Variants in ZCCHC7 observed in about 807,000 individuals in gnomAD.
ZCCHC7 encodes zinc finger CCHC domain-containing protein 7.
ZCCHC7 carries 35 observed loss-of-function variants against 52.0 expected under a neutral mutation model. The ratio of observed to expected loss-of-function variants is 0.67; its 90% CI spans 0.51 to 0.89. ZCCHC7 has a LOEUF of 0.89. Among genes scored for constraint, ZCCHC7 ranks in the 40% least tolerant of loss-of-function variants. The pLI, the probability that ZCCHC7 is intolerant of heterozygous loss-of-function variation, is 0.00. For synonymous variants in ZCCHC7, 217 were observed against 221.5 expected (o/e 0.98, Z 0.18); for missense variants, 574 against 649.1 (o/e 0.88, Z 1.26).
At chr9:37,256,245 T>G (rs146845438) in intron 2 of ZCCHC7, among the ~76,000 whole-genome samples, 101 of 152,294 alleles carry the variant, frequency 6.6e-4, no homozygotes, top group African/African-American at 2.3e-3. Context: ...TGTGCAGCTT[T>G]ATGTACTCTT....
chr9:37,232,406 A>G (rs1357055610), intron 2 of ZCCHC7, among the ~76,000 whole-genome samples: 1 of 152,252 alleles, frequency 6.6e-6, no homozygotes, highest in African/African-American at 2.4e-5. Flanking sequence ...TCATCTAGCC[A>G]GGAAATTGAT....
chr9:37,333,603 T>G (rs886621668), intron 6 of ZCCHC7, among the ~76,000 whole-genome samples: 1 of 151,770 alleles, frequency 6.6e-6, no homozygotes, highest in African/African-American at 2.4e-5. Context: ...GGATGACAAA[T>G]GGAGCATCAC....
intron 2 of ZCCHC7, among the ~76,000 whole-genome samples, chr9:37,199,356 A>G (rs1588467827): frequency 1.7e-5 from 2 of 118,046 alleles, no homozygotes; most frequent in Non-Finnish European, 3.3e-5. Flanking sequence ...CTTGAGACGG[A>G]GCTTCACTCT....
intron 2 of ZCCHC7, among the ~76,000 whole-genome samples, chr9:37,247,022 C>CT (rs1212603473): frequency 2.6e-5 from 4 of 152,120 alleles, no homozygotes; most frequent in Non-Finnish European, 5.9e-5. Context: ...CAACAGATAT[C>CT]TTTAACTTAT....
chr9:37,283,836 T>C lies in ZCCHC7; in HGVS notation c.611-18352T>C, dbSNP rs138520477. On this transcript the variant is annotated intron_variant, in intron 2 of 8. Transcript: ENST00000336755. Reference sequence around the variant, plus strand: ...TCCCAAGTTCTATATTGTGCTTGAATTTTCCATTGGGAATGAAACATTCCA... The same window carrying C: ...TCCCAAGTTCTATATTGTGCTTGAACTTTCCATTGGGAATGAAACATTCCA... 7.2e-3 allele frequency among the ~76,000 whole-genome samples: 1,092 copies of C among 152,286 alleles called. 9 individuals carry two copies. The highest frequency in any genetic ancestry group is 8.1e-3 in the Non-Finnish European group (550 of 68,016).
intron 2 of ZCCHC7, among the ~76,000 whole-genome samples, chr9:37,222,625 A>G (rs1309433195): frequency 6.6e-6 from 1 of 152,134 alleles, no homozygotes; most frequent in Non-Finnish European, 1.5e-5. Context: ...ATAAAAAGTT[A>G]GAAACTATAG....
At chr9:37,167,965 C>T (rs924537462) in intron 2 of ZCCHC7, among the ~76,000 whole-genome samples, 2 of 152,120 alleles carry the variant, frequency 1.3e-5, no homozygotes, top group South Asian at 2.1e-4. Context: ...AACACTTTGC[C>T]GAATATTCAG....
Position 37,305,535 on chromosome 9 carries a change from G to A in ZCCHC7, c.781-9G>A, listed in dbSNP as rs141198043. On this transcript the variant is annotated splice_polypyrimidine_tract_variant and intron_variant, in intron 4 of 8. Coordinates refer to ENST00000336755, the MANE Select transcript of ZCCHC7 (RefSeq NM_032226.3). ...ACTGAAGAGATTTTATGTTTTTTTC[G>A]CCACATAGAAAGTTCGTCGCTGCTT... 105 of 1,607,874 alleles carry A rather than the reference G, an allele frequency of 6.5e-5. No homozygotes were observed. In the African/African-American group the frequency reaches 9.5e-4, roughly 15 times the overall value.
chr9:37,159,196 A>G (rs1480107000), intron 2 of ZCCHC7, among the ~76,000 whole-genome samples: 1 of 152,242 alleles, frequency 6.6e-6, no homozygotes, highest in Non-Finnish European at 1.5e-5. Context: ...GAGGAACAGA[A>G]TGTTAATAAA....
At chr9:37,305,851 A>AT in intron 5 of ZCCHC7, 137 bp downstream of exon 5, 2 of 807,916 alleles carry the variant, frequency 2.5e-6, no homozygotes, top group Non-Finnish European at 3.6e-6. Flanking sequence ...ATATATATAT[A>AT]GTCATGTCCA....
intron 2 of ZCCHC7, among the ~76,000 whole-genome samples, chr9:37,281,978 C>G (rs924740397): frequency 6.6e-6 from 1 of 152,120 alleles, no homozygotes; most frequent in African/African-American, 2.4e-5. Flanking sequence ...CGTATGGTTC[C>G]TAAGGTCCCA....
intron 2 of ZCCHC7, among the ~76,000 whole-genome samples, chr9:37,145,403 ACTT>A (rs1843390934): frequency 6.6e-6 from 1 of 151,924 alleles, no homozygotes; most frequent in Non-Finnish European, 1.5e-5. Context: ...TCTTGTACAT[ACTT>A]CTTAAGATTG....
chr9:37,163,231 CAA>C (rs534010426), intron 2 of ZCCHC7, among the ~76,000 whole-genome samples: 13 of 150,672 alleles, frequency 8.6e-5, no homozygotes, highest in South Asian at 4.2e-4. Context: ...CAAAAAAAAA[CAA>C]AAAGTATTTT....
At position 37,159,162 on chromosome 9, in the gene ZCCHC7, G is replaced by C. The variant is rs148074697; in HGVS notation, c.610+32220G>C. ...CGATTTATATAATCCTTTTGAAACA[G>C]ATTTTCAGTTGCTGTTAGGTCCAGA... On this transcript the variant is annotated intron_variant, in intron 2 of 8. Transcript: ENST00000336755. Among the ~76,000 whole-genome samples, 278 of 152,282 alleles carry C rather than the reference G, an allele frequency of 1.8e-3. 3 individuals are homozygous for C. The South Asian group carries it at 0.019, about 11-fold the overall frequency.
intron 5 of ZCCHC7, among the ~76,000 whole-genome samples, chr9:37,310,959 TAAAAAAA>T (rs59663698): frequency 3.5e-5 from 4 of 115,048 alleles, no homozygotes; most frequent in Non-Finnish European, 5.4e-5. Flanking sequence ...TCTCTCTTTT[TAAAAAAA>T]AAAAAAAAAA....
chr9:37,199,674 C>CTG (rs1564174131), intron 2 of ZCCHC7, among the ~76,000 whole-genome samples: 71 of 68,614 alleles, frequency 1.0e-3, no homozygotes, highest in African/African-American at 3.8e-3. Flanking sequence ...CTGTCTTTCT[C>CTG]TCTGTCTGTC....
intron 5 of ZCCHC7, among the ~76,000 whole-genome samples, chr9:37,316,258 C>A (rs1439057762): frequency 2.0e-5 from 3 of 151,458 alleles, no homozygotes; most frequent in Non-Finnish European, 4.4e-5. Context: ...TGGGGTTTCG[C>A]CATGTTGTCC....
In ZCCHC7 at chr9:37,126,612, TTGTC is replaced by T. The variant is rs2132686019; in HGVS notation, c.283_286del (p.Ser95MetfsTer53). The T allele has an allele frequency of 1.2e-6, 2 of 1,614,168 alleles. No individual in the cohort carries two copies. The highest frequency in any genetic ancestry group is 1.7e-6 in the Non-Finnish European group (2 of 1,180,024). ...GTCAGATGGGTCAGAGGTCATCACT[TTGTC>T]TGATGAAGACAGTATTTATAGATGT... On this transcript the variant is annotated frameshift_variant, in exon 2 of 9. Coordinates refer to ENST00000336755, the MANE Select transcript of ZCCHC7 (RefSeq NM_032226.3). LOFTEE classifies it high-confidence loss of function.
chr9:37,327,609 G>A (rs1830300778), intron 5 of ZCCHC7, 190 bp from the exon 6 acceptor site: 2 of 485,804 alleles, frequency 4.1e-6, no homozygotes, highest in Non-Finnish European at 7.4e-6. Context: ...ATGGCGGGGA[G>A]TGTGTTAAAC....
Sources: gnomAD v4.1 joint callset for allele counts (sites outside exome capture counted in the v4.1 genomes callset) on GRCh38, gnomAD v4.1.1 for gene constraint, MANE v1.5 for transcripts, NCBI Gene and HGNC (gene_info 2026-07-23, HGNC 2026-07-21) for gene names.